The following CNTN5 variants were observed in gnomAD, a reference collection of about 807,000 sequenced individuals.
The protein encoded by CNTN5 is contactin 5.
In CNTN5, 77 loss-of-function variants were observed where a neutral mutation model predicts 129.1. That is an observed-to-expected ratio of 0.60 (90% CI 0.50 to 0.72). The LOEUF is 0.72. Ranked by LOEUF, CNTN5 falls within the 30% of genes least tolerant of loss-of-function variation. The pLI is 0.00. For missense variants in CNTN5, 1,478 were observed against 1,328.8 expected, an observed-to-expected ratio of 1.11 and a Z score of -1.75; for synonymous variants, 509 against 465.6, an observed-to-expected ratio of 1.09 and a Z score of -1.20.
At chr11:100,354,849 A>G (rs1031745908) in intron 24 of CNTN5, among the ~76,000 whole-genome samples, 1 of 151,626 alleles carries the variant, frequency 6.6e-6, no homozygotes, top group Non-Finnish European at 1.5e-5. Context: ...AATTACAGTA[A>G]AGATATAGTC....
intron 3 of CNTN5, among the ~76,000 whole-genome samples, chr11:99,684,734 G>A (rs187318151): frequency 3.4e-4 from 52 of 151,526 alleles, no homozygotes; most frequent in Middle Eastern, 3.4e-3. Flanking sequence ...AATAATTTTC[G>A]TATGTCTTGT....
At chr11:100,085,964 G>A (rs988310387) in intron 13 of CNTN5, among the ~76,000 whole-genome samples, 1 of 152,040 alleles carries the variant, frequency 6.6e-6, no homozygotes, top group Non-Finnish European at 1.5e-5. Flanking sequence ...TTTAGGAAGA[G>A]ACTTCAGAAT....
At chr11:99,406,842 G>T (rs1472554792) in intron 2 of CNTN5, among the ~76,000 whole-genome samples, 3 of 152,146 alleles carry the variant, frequency 2.0e-5, no homozygotes, top group African/African-American at 7.2e-5. Flanking sequence ...TGCCACATCA[G>T]ACTCATCGGG....
At chr11:99,474,853 C>A (rs547378854) in intron 2 of CNTN5, among the ~76,000 whole-genome samples, 1 of 152,238 alleles carries the variant, frequency 6.6e-6, no homozygotes, top group Admixed American at 6.5e-5. Context: ...CGGAATAAAA[C>A]AATATTTGTT....
At chr11:99,332,306 C>G (rs1866032505) in intron 2 of CNTN5, among the ~76,000 whole-genome samples, 1 of 3,166 alleles carries the variant, frequency 3.2e-4, no homozygotes, top group African/African-American at 3.6e-4. Flanking sequence ...ATGTCTCAGT[C>G]TCATCTTATA....
chr11:99,826,241 CTT>C (rs1340361973), intron 4 of CNTN5, among the ~76,000 whole-genome samples: 1 of 151,886 alleles, frequency 6.6e-6, no homozygotes, highest in African/African-American at 2.4e-5. Context: ...TTTATTATGT[CTT>C]ATAATGTCTT....
At chr11:99,843,278 G>A (rs1302957380) in intron 4 of CNTN5, among the ~76,000 whole-genome samples, 4 of 152,056 alleles carry the variant, frequency 2.6e-5, no homozygotes, top group Admixed American at 6.6e-5. Context: ...GAAAATACTC[G>A]TCAGTACATG....
chr11:99,043,362 C>G (rs1209401736), intron 1 of CNTN5, among the ~76,000 whole-genome samples: 1 of 148,328 alleles, frequency 6.7e-6, no homozygotes, highest in Non-Finnish European at 1.5e-5. Flanking sequence ...TGCAGCGCAC[C>G]AGCATGGCAC....
intron 3 of CNTN5, among the ~76,000 whole-genome samples, chr11:99,695,590 G>A (rs1197126586): frequency 6.6e-6 from 1 of 151,872 alleles, no homozygotes; most frequent in Non-Finnish European, 1.5e-5. Flanking sequence ...GGATTATGGT[G>A]CTTAAGAACA....
chr11:99,036,156 A>T (rs1297701712), intron 1 of CNTN5, among the ~76,000 whole-genome samples: 1 of 152,076 alleles, frequency 6.6e-6, no homozygotes, highest in African/African-American at 2.4e-5. Context: ...CACGTTGCGT[A>T]TCGAAATGCC....
intron 1 of CNTN5, among the ~76,000 whole-genome samples, chr11:99,131,172 T>C (rs1858913501): frequency 7.9e-6 from 1 of 127,320 alleles, no homozygotes. Context: ...GGTGTGAACC[T>C]GGGAGGCGGA....
At chr11:99,485,042 G>GTT (rs899273860) in intron 2 of CNTN5, among the ~76,000 whole-genome samples, 3 of 152,016 alleles carry the variant, frequency 2.0e-5, no homozygotes, top group African/African-American at 2.4e-5. Flanking sequence ...ATAATACATA[G>GTT]TTTCAAATAG....
At chr11:99,803,662 AAGTT>A (rs1325474105) in intron 3 of CNTN5, among the ~76,000 whole-genome samples, 4 of 152,064 alleles carry the variant, frequency 2.6e-5, no homozygotes, top group Non-Finnish European at 5.9e-5. Flanking sequence ...TTAGCTCTCT[AAGTT>A]AGCCCCAGGG....
chr11:99,146,123 A>G lies in CNTN5; in HGVS notation c.-210+124853A>G, dbSNP rs184102106. 2.6e-3 allele frequency among the ~76,000 whole-genome samples: 395 copies of G among 152,292 alleles called. 1 individual carries two copies. The highest frequency in any genetic ancestry group is 8.9e-3 in the African/African-American group (369 of 41,572). On this transcript the variant is annotated intron_variant, in intron 1 of 24. Transcript: ENST00000524871. The stretch of plus-strand genomic sequence containing the variant: ...TCTTATCAACCAAGCTAATTAAACC[A>G]GCAATTATTGTCAAAATGATAAATG...
chr11:99,716,614 A>G (rs1955244622), intron 3 of CNTN5, among the ~76,000 whole-genome samples: 1 of 152,016 alleles, frequency 6.6e-6, no homozygotes, highest in South Asian at 2.1e-4. Flanking sequence ...TCTCTATCTC[A>G]AACTACATGC....
chr11:99,024,151 T>A (rs1390592425), intron 1 of CNTN5, among the ~76,000 whole-genome samples: 1 of 152,136 alleles, frequency 6.6e-6, no homozygotes, highest in East Asian at 1.9e-4. Flanking sequence ...CTCCTAATGC[T>A]TAAGATTTAA....
At chr11:100,001,889 C>A in intron 8 of CNTN5, 145 bp from the exon 9 acceptor site, 1 of 616,000 alleles carries the variant, frequency 1.6e-6, no homozygotes, top group Non-Finnish European at 2.8e-6. Context: ...AAGTGTACTA[C>A]TTATTTCAAT....
At chr11:99,556,592 T>TATA (rs1179424515) in intron 3 of CNTN5, among the ~76,000 whole-genome samples, 2 of 138,678 alleles carry the variant, frequency 1.4e-5, no homozygotes, top group African/African-American at 5.4e-5. Context: ...TATATATATA[T>TATA]ATCTCCCACA....
intron 9 of CNTN5, chr11:100,003,664 T>A (rs1591035767): frequency 6.6e-6 from 1 of 152,346 alleles, no homozygotes; most frequent in East Asian, 1.9e-4. Flanking sequence ...CCTTGAAATA[T>A]GTTTAGTAAA....
Sources: allele counts gnomAD v4.1 joint callset (sites outside exome capture counted in the v4.1 genomes callset), GRCh38; gene constraint gnomAD v4.1.1; transcripts MANE v1.5; gene names NCBI Gene and HGNC (gene_info 2026-07-23, HGNC 2026-07-21).